Variants in RPAP1 observed in about 807,000 individuals in gnomAD.
The protein encoded by RPAP1 is RNA polymerase II associated protein 1, also known as RNA polymerase II-associated protein 1.
Under a neutral mutation model 142.4 loss-of-function variants are expected in RPAP1, and 109 were observed. The observed-to-expected ratio is 0.77, with a 90% CI of 0.66 to 0.90. The LOEUF (loss-of-function observed/expected upper bound fraction) is 0.90, where lower values mean the gene tolerates loss of function less well. RPAP1 is among the 40% of genes least tolerant of loss of function. RPAP1 has a pLI of 0.00. For synonymous variants in RPAP1, 704 were observed against 738.9 expected, an observed-to-expected ratio of 0.95 and a Z score of 0.77; for missense variants, 1,546 against 1,751.7, an observed-to-expected ratio of 0.88 and a Z score of 2.10.
chr15:41,518,333 T>G, intron 22 of RPAP1, 151 bp from the exon 23 acceptor site: 2 of 648,516 alleles, frequency 3.1e-6, no homozygotes, highest in South Asian at 5.2e-5. Flanking sequence ...GGATCAGGGT[T>G]AAAGACTACA....
chr15:41,529,435 A>G, intron 9 of RPAP1, 35 bp downstream of exon 9: 1 of 1,420,096 alleles, frequency 7.0e-7, no homozygotes, highest in Non-Finnish European at 9.9e-7. Flanking sequence ...GGTTGTTAAA[A>G]GAGCTGCCCC....
chr15:41,519,884 C>T (rs2051705763), intron 22 of RPAP1: 1 of 167,322 alleles, frequency 6.0e-6, no homozygotes, highest in Non-Finnish European at 1.3e-5. Context: ...GGAGCTATGC[C>T]TTATTAATAG....
Position 41,524,120 on chromosome 15 carries a change from C to A in RPAP1, c.2210G>T (p.Gly737Val). ...CCTGATGGTTTCAGCAGGGGTACTG[C>A]CGGCTGCCAGGGTTAGCTGGGTGAG... is the stretch of plus-strand genomic sequence containing the variant. ...TLLTQLTLAA[G>V]STPAETISDS... Residue 737 changes from glycine to valine, a missense_variant, in exon 16 of 25, where the codon GGC becomes GTC. Physicochemically the swap from Gly to Val is moderately radical, Grantham distance 109. This residue lies in a region of RPAP1 where 1,333 missense variants were observed against 1,486.6 expected (regional missense o/e 0.90). Coordinates refer to ENST00000304330, the MANE Select transcript of RPAP1 (RefSeq NM_015540.4). 1 of 1,591,010 alleles carries A rather than the reference C, an allele frequency of 6.3e-7. No individual in the cohort carries two copies. Among genetic ancestry groups the A allele is most frequent in the South Asian group, 1.1e-5 (1 of 87,180 alleles).
chr15:41,522,138 T>C lies in RPAP1; in HGVS notation c.2855A>G (p.Tyr952Cys). The C allele has an allele frequency of 6.2e-7, 1 of 1,613,874 alleles. No individual in the cohort carries two copies. The highest frequency in any genetic ancestry group is 8.5e-7 in the Non-Finnish European group (1 of 1,179,996). ...PFSAWALRHEYHLQYLALALA... is the reference protein window; with the variant it reads ...PFSAWALRHECHLQYLALALA... ...AGCGAGTGCCAGGTACTGCAGGTGG[T>C]ACTCATGGCGCAGGGCCCATGCAGA... Residue 952 changes from tyrosine (Y) to cysteine (C), a missense_variant, in exon 20 of 25, where the codon TAC (tyrosine) becomes TGC (cysteine). Coordinates refer to ENST00000304330, the MANE Select transcript of RPAP1 (RefSeq NM_015540.4).
chr15:41,538,522 G>GA (rs2051937155), intron 1 of RPAP1, among the ~76,000 whole-genome samples: 1 of 1,402 alleles, frequency 7.1e-4, no homozygotes, highest in African/African-American at 2.3e-3. Context: ...AAAAAGGAAA[G>GA]AAAAAACAAA....
chr15:41,529,316 G>C (rs933384976), intron 9 of RPAP1, among the ~76,000 whole-genome samples, 154 bp downstream of exon 9: 1 of 152,168 alleles, frequency 6.6e-6, no homozygotes, highest in South Asian at 2.1e-4. Flanking sequence ...GCCTGGGCCA[G>C]AGCGAGATTC....
intron 6 of RPAP1, among the ~76,000 whole-genome samples, chr15:41,531,592 C>T (rs1167475425): frequency 1.6e-5 from 1 of 62,940 alleles, no homozygotes; most frequent in East Asian, 5.0e-4. Context: ...TTTATTTATG[C>T]ACACACACAT....
chr15:41,521,773 C>T lies in RPAP1; in HGVS notation c.3003G>A (p.Leu1001=). The part of the protein sequence containing the change: ...LPGSEYLTHE[L]LLSCVFRLEF... Reference sequence around the variant, plus strand: ...CCAGCCGGAATACACAGCTCAGCAGCAGCTCATGGGTGAGGTACTCACTTC... The same window carrying T: ...CCAGCCGGAATACACAGCTCAGCAGTAGCTCATGGGTGAGGTACTCACTTC... Residue 1001 remains leucine (L), a synonymous_variant, in exon 21 of 25, where the codon CTG becomes CTA. Transcript: ENST00000304330. The T allele has an allele frequency of 6.2e-7, 1 of 1,614,210 alleles. No individual in the cohort carries two copies. The highest frequency in any genetic ancestry group is 2.2e-5 in the East Asian group (1 of 44,886).
At chr15:41,522,464 C>T (rs185949234) in intron 19 of RPAP1, 7 of 587,082 alleles carry the variant, frequency 1.2e-5, no homozygotes, top group Middle Eastern at 9.0e-4. Flanking sequence ...GATCTCAGCT[C>T]ACCGCAGCCT....
intron 22 of RPAP1, chr15:41,520,027 G>A (rs1238851326): frequency 2.3e-5 from 6 of 256,600 alleles, no homozygotes; most frequent in African/African-American, 8.9e-5. Flanking sequence ...TCCGCTTCCC[G>A]GGTTCAAGCG....
In RPAP1 at chr15:41,520,892, G is replaced by A; in HGVS notation, c.3294C>T (p.Pro1098=). The A allele has an allele frequency of 6.2e-7, 1 of 1,613,564 alleles. No homozygotes were observed. The highest frequency in any genetic ancestry group is 1.3e-5 in the African/African-American group (1 of 75,046). Residue 1098 remains proline (P), a synonymous_variant, in exon 22 of 25, where the codon CCC becomes CCT. Transcript: ENST00000304330. The part of the protein sequence containing the change: ...LLPMPTEPLL[P]TDWPFLPLIR... ...TCAGTGGCAGGAAGGGCCAGTCGGT[G>A]GGCAGCAGCGGCTCCGTAGGCATGG...
In RPAP1 at chr15:41,535,538, A is replaced by G; in HGVS notation, c.515T>C (p.Val172Ala). The part of the protein sequence containing the change: ...AEAKGPSVGE[V>A]VPNVGPPEGA... ...CTCTGGTGGGCCCACGTTGGGCACA[A>G]CTTCCCCAACTGATGGGCCCTTGGC... Residue 172 changes from valine to alanine, a missense_variant, in exon 5 of 25, where the codon GTT becomes GCT. Physicochemically the swap from Val to Ala is moderately conservative, Grantham distance 64. This residue lies in a region of RPAP1 where 1,333 missense variants were observed against 1,486.6 expected (regional missense o/e 0.90). Transcript: ENST00000304330. 1 of 1,612,430 alleles carries G rather than the reference A, an allele frequency of 6.2e-7. No individual in the cohort carries two copies. Among genetic ancestry groups the G allele is most frequent in the Non-Finnish European group, 8.5e-7 (1 of 1,179,528 alleles).
chr15:41,522,777 C>T lies in RPAP1; in HGVS notation c.2730G>A (p.Gly910=). Residue 910 remains glycine, a synonymous_variant, in exon 19 of 25, where the codon GGG becomes GGA. Transcript: ENST00000304330. ...ACCCCACACTTACCTGGCCACACAGCCCCTTGTGGATCTGGGCCAGGGTAT... is the reference window on the plus strand; with the variant it reads ...ACCCCACACTTACCTGGCCACACAGTCCCTTGTGGATCTGGGCCAGGGTAT... ...LLNTLAQIHK[G]LCGQLAAILA... is the part of the protein sequence containing the mutation. 2 of 1,562,566 alleles carry T rather than the reference C, an allele frequency of 1.3e-6. No homozygotes were observed. Among genetic ancestry groups the T allele is most frequent in the South Asian group, 1.2e-5 (1 of 80,748 alleles).
intron 7 of RPAP1, 107 bp downstream of exon 7, chr15:41,530,916 G>T: frequency 8.9e-7 from 1 of 1,120,582 alleles, no homozygotes; most frequent in Non-Finnish European, 1.3e-6. Flanking sequence ...AATGTTAGAT[G>T]TCCAAAAGCA....
Position 41,520,733 on chromosome 15 carries a change from G to A in RPAP1, c.3453C>T (p.Pro1151=). Residue 1151 remains proline (P), a synonymous_variant, in exon 22 of 25, where the codon CCC becomes CCT. Coordinates refer to ENST00000304330, the MANE Select transcript of RPAP1 (RefSeq NM_015540.4). ...TGAGCCGTGCCAGGCGGGCAGCAGG[G>A]GGCACAGCCCAGAGAGCCTGGGGGC... The part of the protein sequence containing the change: ...SWRPQALWAV[P]PAARLARLMC... 1 of 1,613,926 alleles carries A rather than the reference G, an allele frequency of 6.2e-7. No homozygotes were observed.
intron 3 of RPAP1, 32 bp from the exon 4 acceptor site, chr15:41,536,250 C>T (rs1566889762): frequency 6.3e-7 from 1 of 1,597,924 alleles, no homozygotes; most frequent in South Asian, 1.1e-5. Flanking sequence ...TTGTGAAGCA[C>T]AATGGAGAAA....
chr15:41,537,008 C>T lies in RPAP1; in HGVS notation c.118G>A (p.Gly40Ser), dbSNP rs368858057. ...GGCCGGTCTGAGTTGGCATCACCACCGCCCCTATTTCCTTTCTTCACCAAC... is the reference window on the plus strand; with the variant it reads ...GGCCGGTCTGAGTTGGCATCACCACTGCCCCTATTTCCTTTCTTCACCAAC... ...VQLVKKGNRG[G>S]GDANSDRPPL... The change falls in exon 2 of 25, where the codon GGT becomes AGT. Residue 40 changes from glycine (G) to serine (S), a missense_variant. By Grantham distance (56) the Gly-to-Ser change is moderately conservative. Around this residue, in one of 3 missense-constraint regions of RPAP1, gnomAD observed 1,333 missense variants for 1,486.6 expected, o/e 0.90. Transcript: ENST00000304330. 1.2e-5 allele frequency: 20 copies of T among 1,614,024 alleles called. No homozygotes were observed. Among genetic ancestry groups the T allele is most frequent in the African/African-American group, 4.0e-5 (3 of 74,894 alleles).
chr15:41,517,807 C>T lies in RPAP1; in HGVS notation c.4023G>A (p.Leu1341=), dbSNP rs777869858. The change falls in exon 24 of 25, where the codon CTG becomes CTA. Residue 1341 remains leucine, a synonymous_variant. Transcript: ENST00000304330. ...RRSMLQKTWL[L]ADEGLRQHLL... is the part of the protein sequence containing the mutation. ...ATGGCCCTGACCCTACCTCATCTGC[C>T]AGCAGCCATGTTTTCTGCAGCATAC... 56 of 1,614,068 alleles carry T rather than the reference C, an allele frequency of 3.5e-5. No individual in the cohort carries two copies. The highest frequency in any genetic ancestry group is 4.2e-5 in the Non-Finnish European group (50 of 1,180,046).
chr15:41,527,665 G>C (rs185545849), intron 11 of RPAP1, 60 bp from the exon 12 acceptor site: 51 of 1,532,176 alleles, frequency 3.3e-5, no homozygotes, highest in Admixed American at 2.4e-4. Flanking sequence ...GGATCCAGGA[G>C]TAGAGAGGAT....
Sources: gnomAD v4.1 joint callset for allele counts (sites outside exome capture counted in the v4.1 genomes callset) on GRCh38, gnomAD v4.1.1 for gene constraint, gnomAD v4.1.1 regional missense constraint, MANE v1.5 for transcripts, NCBI Gene and HGNC (gene_info 2026-07-23, HGNC 2026-07-21) for gene names.